ATP8A1: variants seen among roughly 807,000 people sequenced by gnomAD.
ATP8A1 encodes the protein ATPase phospholipid transporting 8A1.
In ATP8A1, 90 loss-of-function variants were observed where a neutral mutation model predicts 177.7. The observed-to-expected ratio is 0.51, with a 90% CI of 0.43 to 0.60. ATP8A1 has a LOEUF of 0.60. Ranked by LOEUF, ATP8A1 falls within the 20% of genes least tolerant of loss-of-function variation. The pLI is 0.00. For missense variants in ATP8A1, 1,072 were observed against 1,392.8 expected, an observed-to-expected ratio of 0.77 and a Z score of 3.67; for synonymous variants, 493 against 485.9, an observed-to-expected ratio of 1.01 and a Z score of -0.19.
intron 35 of ATP8A1, among the ~76,000 whole-genome samples, chr4:42,418,137 G>C (rs1713455205): frequency 6.6e-6 from 1 of 151,686 alleles, no homozygotes; most frequent in Non-Finnish European, 1.5e-5. Flanking sequence ...GTTAGAGAGA[G>C]CACTGTCACC....
At chr4:42,420,194 T>C in intron 35 of ATP8A1, among the ~76,000 whole-genome samples, 1 of 152,212 alleles carries the variant, frequency 6.6e-6, no homozygotes. Context: ...TTCACAGATC[T>C]TCCCCTTGCC....
At chr4:42,476,760 AT>A (rs1485409411) in intron 25 of ATP8A1, among the ~76,000 whole-genome samples, 3 of 152,298 alleles carry the variant, frequency 2.0e-5, no homozygotes, top group Non-Finnish European at 4.4e-5. Context: ...CACAGGCAAA[AT>A]TAAGAAGGGA....
intron 25 of ATP8A1, among the ~76,000 whole-genome samples, chr4:42,481,797 T>C (rs1306225697): frequency 6.6e-6 from 1 of 152,250 alleles, no homozygotes; most frequent in Admixed American, 6.5e-5. Context: ...GAATGGTCTA[T>C]AACTTTCATT....
chr4:42,637,976 T>C (rs1486923675), intron 1 of ATP8A1, among the ~76,000 whole-genome samples: 1 of 152,224 alleles, frequency 6.6e-6, no homozygotes, highest in African/African-American at 2.4e-5. Flanking sequence ...TAATAAATGC[T>C]ATGCATGCTT....
At chr4:42,437,222 T>C (rs902170591) in intron 33 of ATP8A1, among the ~76,000 whole-genome samples, 4 of 152,234 alleles carry the variant, frequency 2.6e-5, no homozygotes, top group African/African-American at 9.6e-5. Context: ...TATGAAACGA[T>C]CCCTGCTGTA....
Position 42,657,005 on chromosome 4 carries a change from C to T in ATP8A1, c.-132G>A. 1.0e-6 allele frequency: 1 copy of T among 995,004 alleles called. No individual in the cohort carries two copies. Among genetic ancestry groups the T allele is most frequent in the Non-Finnish European group, 1.3e-6 (1 of 766,948 alleles). The allele number at this position is 995,004 out of a possible 1,614,324, so 61.6% of individuals were successfully genotyped here. On this transcript the variant is annotated 5_prime_UTR_variant, in exon 1 of 37. Coordinates refer to ENST00000381668, the MANE Select transcript of ATP8A1 (RefSeq NM_006095.2). Reference sequence around the variant, plus strand: ...GGGCCGCGCCGCCGCCCACCTAGGGCAGAGCTGCCGCCGGGCGCGGCCCCC... The same window carrying T: ...GGGCCGCGCCGCCGCCCACCTAGGGTAGAGCTGCCGCCGGGCGCGGCCCCC...
Position 42,464,542 on chromosome 4 carries a change from G to C in ATP8A1, c.2619+148C>G, listed in dbSNP as rs896300218. 7 of 534,692 alleles carry C rather than the reference G, an allele frequency of 1.3e-5. No individual in the cohort carries two copies. In the African/African-American group the frequency reaches 1.3e-4, roughly 10 times the overall value. 33.1% of individuals were successfully genotyped at this position (534,692 alleles called of 1,614,324 possible). A position where few individuals can be genotyped will look rare whatever the true frequency, so the allele number is the denominator to read the frequency against. On this transcript the variant is annotated intron_variant, in intron 27 of 36. Transcript: ENST00000381668. ...GGCCTCCCAGAGTGCTGGGATTACAGGCCACCTTTTTGTTTTAATACATTT... is the reference window on the plus strand; with the variant it reads ...GGCCTCCCAGAGTGCTGGGATTACACGCCACCTTTTTGTTTTAATACATTT...
At chr4:42,526,591 G>A (rs902418342) in intron 20 of ATP8A1, among the ~76,000 whole-genome samples, 9 of 152,074 alleles carry the variant, frequency 5.9e-5, no homozygotes, top group Admixed American at 4.6e-4. Flanking sequence ...CTTGAACATC[G>A]GACTCCAAGT....
chr4:42,622,402 C>CA (rs1368267751), intron 4 of ATP8A1, among the ~76,000 whole-genome samples: 3 of 151,404 alleles, frequency 2.0e-5, no homozygotes, highest in South Asian at 2.1e-4. Context: ...AAAACAAACA[C>CA]AAAAAAAGAC....
chr4:42,425,295 G>A (rs1714465257), intron 33 of ATP8A1, among the ~76,000 whole-genome samples: 2 of 152,134 alleles, frequency 1.3e-5, no homozygotes, highest in Non-Finnish European at 1.5e-5. Context: ...CAGTGGAAAA[G>A]GCAAAAGTGG....
chr4:42,473,852 C>T (rs1360350719), intron 25 of ATP8A1, among the ~76,000 whole-genome samples: 1 of 148,728 alleles, frequency 6.7e-6, no homozygotes, highest in Non-Finnish European at 1.5e-5. Context: ...TGGAGTCTCA[C>T]TATGCTGCCC....
At chr4:42,608,570 G>A (rs758414972) in intron 5 of ATP8A1, among the ~76,000 whole-genome samples, 13 of 152,140 alleles carry the variant, frequency 8.5e-5, no homozygotes, top group Non-Finnish European at 1.8e-4. Context: ...ATGTTGGTCA[G>A]GCTGGTCTTG....
intron 1 of ATP8A1, among the ~76,000 whole-genome samples, chr4:42,649,922 A>G (rs908499325): frequency 3.9e-5 from 6 of 151,996 alleles, no homozygotes; most frequent in African/African-American, 1.5e-4. Context: ...ACCAGACAAA[A>G]CCCCCTGCCC....
chr4:42,485,610 T>C lies in ATP8A1; in HGVS notation c.2210A>G (p.Glu737Gly). The C allele has an allele frequency of 1.2e-6, 2 of 1,613,748 alleles. No homozygotes were observed. The highest frequency in any genetic ancestry group is 1.7e-6 in the Non-Finnish European group (2 of 1,179,750). ...CTTLGDALRK[E>G]NDFALIIDGK... is the part of the protein sequence containing the mutation. ...ATCAATTATAAGAGCAAAATCATTC[T>C]CTTTCCGGAGAGCATCACCAAGGGT... Residue 737 changes from glutamate (E) to glycine (G), a missense_variant, in exon 25 of 37, where the codon GAG becomes GGG. This residue lies in a region of ATP8A1 where 388 missense variants were observed against 471.7 expected (regional missense o/e 0.82). Coordinates refer to ENST00000381668, the MANE Select transcript of ATP8A1 (RefSeq NM_006095.2).
At chr4:42,537,339 T>C (rs1214717201) in intron 20 of ATP8A1, among the ~76,000 whole-genome samples, 2 of 151,812 alleles carry the variant, frequency 1.3e-5, no homozygotes, top group Non-Finnish European at 2.9e-5. Flanking sequence ...GTTGAAAGCA[T>C]TCCCCCGAGA....
intron 27 of ATP8A1, among the ~76,000 whole-genome samples, chr4:42,457,954 T>C (rs985686536): frequency 7.2e-5 from 11 of 152,212 alleles, no homozygotes; most frequent in African/African-American, 2.4e-4. Context: ...TTTTAGAAAA[T>C]GTATTTCCTG....
At chr4:42,475,595 T>A (rs997878643) in intron 25 of ATP8A1, among the ~76,000 whole-genome samples, 1 of 151,984 alleles carries the variant, frequency 6.6e-6, no homozygotes, top group African/African-American at 2.4e-5. Flanking sequence ...AAATATATAT[T>A]TCACCTGAAA....
intron 33 of ATP8A1, among the ~76,000 whole-genome samples, chr4:42,427,670 T>C (rs1208203784): frequency 2.0e-5 from 3 of 152,210 alleles, no homozygotes; most frequent in Admixed American, 6.5e-5. Flanking sequence ...CTTATCAGTA[T>C]CTCATGAAAC....
intron 22 of ATP8A1, among the ~76,000 whole-genome samples, chr4:42,508,224 C>A (rs1724653436): frequency 6.6e-6 from 1 of 152,138 alleles, no homozygotes; most frequent in Admixed American, 6.5e-5. Context: ...CCTCCGCCTC[C>A]CAGGTCCAAG....
Sources: gnomAD v4.1 joint callset for allele counts (sites outside exome capture counted in the v4.1 genomes callset) on GRCh38, gnomAD v4.1.1 for gene constraint, gnomAD v4.1.1 regional missense constraint, MANE v1.5 for transcripts, NCBI Gene and HGNC (gene_info 2026-07-23, HGNC 2026-07-21) for gene names.